The following GALNTL6 variants were observed in gnomAD, a reference collection of about 807,000 sequenced individuals.
GALNTL6 encodes polypeptide N-acetylgalactosaminyltransferase like 6.
A neutral mutation model predicts 73.7 loss-of-function variants in GALNTL6; 46 were observed. The ratio of observed to expected loss-of-function variants is 0.62; its 90% CI spans 0.49 to 0.80. The LOEUF (loss-of-function observed/expected upper bound fraction) is 0.80, where lower values mean the gene tolerates loss of function less well. Ranked by LOEUF, GALNTL6 falls within the 30% of genes least tolerant of loss-of-function variation. GALNTL6 has a pLI of 0.00. For synonymous variants in GALNTL6, 259 were observed against 263.7 expected, an observed-to-expected ratio of 0.98 and a Z score of 0.17; for missense variants, 604 against 755.0, an observed-to-expected ratio of 0.80 and a Z score of 2.34.
intron 5 of GALNTL6, among the ~76,000 whole-genome samples, chr4:172,607,172 C>G (rs1738336831): frequency 6.6e-6 from 1 of 151,900 alleles, no homozygotes; most frequent in African/African-American, 2.4e-5. Context: ...TATAAACAAC[C>G]CATTTATGGA....
intron 3 of GALNTL6, among the ~76,000 whole-genome samples, chr4:172,243,151 C>G (rs1737506498): frequency 6.6e-6 from 1 of 152,152 alleles, no homozygotes; most frequent in Non-Finnish European, 1.5e-5. Context: ...TGTTCTTCCA[C>G]AAATATACTA....
Position 172,999,800 on chromosome 4 carries a change from T to C in GALNTL6, c.1372-9378T>C, listed in dbSNP as rs1397966680. Among the ~76,000 whole-genome samples the C allele has an allele frequency of 2.0e-5, 3 of 151,710 alleles. No individual in the cohort carries two copies. The East Asian group carries it at 5.8e-4, about 29-fold the overall frequency. On this transcript the variant is annotated intron_variant, in intron 10 of 12. Transcript: ENST00000506823. Reference sequence around the variant, plus strand: ...ATATATATATAATTTGGATATATTATTTGGATACATTCTATCATTAGTTCA... The same window carrying C: ...ATATATATATAATTTGGATATATTACTTGGATACATTCTATCATTAGTTCA...
intron 5 of GALNTL6, among the ~76,000 whole-genome samples, chr4:172,677,651 G>A (rs1408564676): frequency 3.9e-5 from 6 of 152,064 alleles, no homozygotes; most frequent in Admixed American, 1.3e-4. Context: ...GGCCAGCCAC[G>A]GTGGCCAACA....
chr4:172,346,670 G>A (rs1336046487), intron 4 of GALNTL6, among the ~76,000 whole-genome samples: 1 of 152,108 alleles, frequency 6.6e-6, no homozygotes, highest in African/African-American at 2.4e-5. Flanking sequence ...ATGTCTTGAA[G>A]TTCAGAACTA....
At chr4:172,325,184 A>G (rs1037523462) in intron 4 of GALNTL6, among the ~76,000 whole-genome samples, 9 of 151,978 alleles carry the variant, frequency 5.9e-5, no homozygotes, top group Non-Finnish European at 1.0e-4. Flanking sequence ...AAGCATTTAA[A>G]TTATAATGAA....
chr4:172,136,425 A>G (rs542135508), intron 2 of GALNTL6, among the ~76,000 whole-genome samples: 1 of 152,138 alleles, frequency 6.6e-6, no homozygotes, highest in African/African-American at 2.4e-5. Context: ...ATACCTGGGC[A>G]TTAGTCTCCT....
At chr4:172,392,830 G>A (rs1743713057) in intron 5 of GALNTL6, among the ~76,000 whole-genome samples, 1 of 152,150 alleles carries the variant, frequency 6.6e-6, no homozygotes, top group Non-Finnish European at 1.5e-5. Context: ...TACATGAAAT[G>A]AGGATAACTA....
intron 7 of GALNTL6, among the ~76,000 whole-genome samples, chr4:172,826,953 T>C (rs1018532448): frequency 2.6e-5 from 4 of 152,228 alleles, no homozygotes; most frequent in African/African-American, 9.6e-5. Flanking sequence ...GGATGGCATC[T>C]TGATCATGGG....
chr4:171,957,690 G>A (rs1186483299), intron 2 of GALNTL6, among the ~76,000 whole-genome samples: 2 of 152,016 alleles, frequency 1.3e-5, no homozygotes, highest in Non-Finnish European at 2.9e-5. Flanking sequence ...CCTTAGTCTT[G>A]CCCTTCATTA....
chr4:172,810,203 G>A (rs1741209655), intron 6 of GALNTL6, among the ~76,000 whole-genome samples: 1 of 152,038 alleles, frequency 6.6e-6, no homozygotes, highest in Admixed American at 6.6e-5. Flanking sequence ...CTAAGCTGAG[G>A]GAAAGAAGAT....
intron 5 of GALNTL6, among the ~76,000 whole-genome samples, chr4:172,589,226 A>AT (rs1423243883): frequency 6.6e-6 from 1 of 152,204 alleles, no homozygotes. Flanking sequence ...TTTCTTAATC[A>AT]TCAAGACTAG....
At chr4:171,895,122 C>A (rs1736871492) in intron 2 of GALNTL6, among the ~76,000 whole-genome samples, 3 of 152,142 alleles carry the variant, frequency 2.0e-5, no homozygotes, top group Admixed American at 2.0e-4. Context: ...TACATGAGCT[C>A]CAACTAGACA....
intron 2 of GALNTL6, among the ~76,000 whole-genome samples, chr4:172,118,286 A>T (rs1733041770): frequency 6.6e-6 from 1 of 152,196 alleles, no homozygotes; most frequent in Non-Finnish European, 1.5e-5. Flanking sequence ...TAAAGGCTGT[A>T]GGTTACTGTC....
chr4:172,611,345 C>T (rs1366183587), intron 5 of GALNTL6, among the ~76,000 whole-genome samples: 1 of 151,936 alleles, frequency 6.6e-6, no homozygotes, highest in Non-Finnish European at 1.5e-5. Context: ...GTTAGCATTA[C>T]CTTAAGGACC....
chr4:172,338,818 C>G (rs1459203018), intron 4 of GALNTL6, among the ~76,000 whole-genome samples: 2 of 152,176 alleles, frequency 1.3e-5, no homozygotes, highest in African/African-American at 4.8e-5. Flanking sequence ...GAGGGCGCAG[C>G]CACCAAGCAC....
chr4:172,942,516 T>A (rs943231806), intron 9 of GALNTL6, among the ~76,000 whole-genome samples: 11 of 152,172 alleles, frequency 7.2e-5, no homozygotes, highest in Non-Finnish European at 4.4e-5. Flanking sequence ...TATACCTAAG[T>A]TGTGATGACA....
chr4:171,985,616 G>A (rs1415409396), intron 2 of GALNTL6, among the ~76,000 whole-genome samples: 1 of 152,050 alleles, frequency 6.6e-6, no homozygotes, highest in Non-Finnish European at 1.5e-5. Context: ...GAGATGTCTG[G>A]CTAAACAAAA....
intron 5 of GALNTL6, among the ~76,000 whole-genome samples, chr4:172,400,814 G>A (rs556158716): frequency 3.9e-5 from 6 of 152,184 alleles, no homozygotes; most frequent in African/African-American, 1.4e-4. Flanking sequence ...GAGCCTCCAC[G>A]TGAAGTCAGA....
At chr4:172,525,051 T>C (rs1734907289) in intron 5 of GALNTL6, among the ~76,000 whole-genome samples, 1 of 152,218 alleles carries the variant, frequency 6.6e-6, no homozygotes, top group South Asian at 2.1e-4. Context: ...TTAATTCCTA[T>C]TGCTTTGCAG....
Sources: gnomAD v4.1 joint callset for allele counts (sites outside exome capture counted in the v4.1 genomes callset) on GRCh38, gnomAD v4.1.1 for gene constraint, MANE v1.5 for transcripts, NCBI Gene and HGNC (gene_info 2026-07-23, HGNC 2026-07-21) for gene names.